The following OR9G4 variants were observed in gnomAD, a reference collection of about 807,000 sequenced individuals.
The protein encoded by OR9G4 is olfactory receptor 9G4.
In OR9G4, 19 loss-of-function variants were observed where a neutral mutation model predicts 16.7. That is an observed-to-expected ratio of 1.14 (90% CI 0.79 to 1.67). The LOEUF is 1.67. Ranked by LOEUF, OR9G4 falls within the 40% of genes most tolerant of loss-of-function variation. OR9G4 has a pLI of 0.00. For missense variants in OR9G4, 428 were observed against 370.4 expected, an observed-to-expected ratio of 1.16 and a Z score of -1.28; for synonymous variants, 182 against 146.2, an observed-to-expected ratio of 1.24 and a Z score of -1.76.
At chr11:56,744,069 C>A (rs925996083) in intron 1 of OR9G4, 6 of 411,886 alleles carry the variant, frequency 1.5e-5, no homozygotes, top group Non-Finnish European at 2.1e-5. Flanking sequence ...TAACTAATTA[C>A]TTCTTCTTTT....
At chr11:56,743,957 C>T (rs1444351920) in intron 1 of OR9G4, 169 bp from the exon 2 acceptor site, 18 of 684,064 alleles carry the variant, frequency 2.6e-5, no homozygotes, top group Middle Eastern at 8.3e-4. Flanking sequence ...GAATTGGAGT[C>T]AAAAATAATT....
rs774345689 is a variant in OR9G4 at position 56,743,398 on chromosome 11, A to T, written c.369T>A (p.His123Gln). 3.7e-6 allele frequency: 6 copies of T among 1,614,048 alleles called. No homozygotes were observed. The highest frequency in any genetic ancestry group is 4.2e-6 in the Non-Finnish European group (5 of 1,180,032). The change falls in exon 2 of 2, where the codon CAT (histidine) becomes CAA (glutamine). Residue 123 changes from histidine to glutamine, a missense_variant. By Grantham distance (24) the His-to-Gln change is conservative. Transcript: ENST00000641668. ...AAAGCAATGGGTTACAAATTGCTGCATGGCGGTCATATGCCATGGCTGCCA... is the reference window on the plus strand; with the variant it reads ...AAAGCAATGGGTTACAAATTGCTGCTTGGCGGTCATATGCCATGGCTGCCA... ...YLLAAMAYDRHAAICNPLLYS... is the reference protein window; with the variant it reads ...YLLAAMAYDRQAAICNPLLYS...
At chr11:56,745,383 T>G (rs916876029) in intron 1 of OR9G4, among the ~76,000 whole-genome samples, 1 of 152,186 alleles carries the variant, frequency 6.6e-6, no homozygotes, top group African/African-American at 2.4e-5. Flanking sequence ...TTTAGGAAAG[T>G]AATACCTCAT....
At chr11:56,747,940 C>G (rs1858446688) in intron 1 of OR9G4, among the ~76,000 whole-genome samples, 1 of 152,206 alleles carries the variant, frequency 6.6e-6, no homozygotes, top group African/African-American at 2.4e-5. Flanking sequence ...TCCCAAAGTG[C>G]TGGGATTACA....
rs532221640 is a variant in OR9G4, at chr11:56,745,648, T to C, written c.-22-1860A>G. On this transcript the variant is annotated intron_variant, in intron 1 of 1. Coordinates refer to ENST00000641668, the MANE Select transcript of OR9G4 (RefSeq NM_001005284.2). The stretch of plus-strand genomic sequence containing the variant: ...TCAGCCAGGCGTGGTGGTACACGGC[T>C]GTAATCCCAGCTACTTGGGAGGCTG... Among the ~76,000 whole-genome samples, 243 of 152,098 alleles carry C rather than the reference T, an allele frequency of 1.6e-3. 1 individual carries two copies. Among genetic ancestry groups the C allele is most frequent in the Non-Finnish European group, 2.2e-3 (147 of 68,000 alleles).
intron 1 of OR9G4, among the ~76,000 whole-genome samples, chr11:56,746,341 T>C (rs1276882252): frequency 1.3e-5 from 2 of 150,214 alleles, no homozygotes; most frequent in African/African-American, 4.9e-5. Flanking sequence ...AAGTTGTGCA[T>C]ATTTTCTAAA....
Position 56,741,744 on chromosome 11 carries a change from T to G in OR9G4, c.*1084A>C, listed in dbSNP as rs1468764441. 6.6e-6 allele frequency: 1 copy of G among 152,168 alleles called. No homozygotes were observed. The highest frequency in any genetic ancestry group is 2.4e-5 in the African/African-American group (1 of 41,394). The allele number at this position is 152,168 out of a possible 1,614,324, so 9.4% of individuals were successfully genotyped here. ...ATGTTATAACCTTTCCTCAACAAAGTTGCTAACCTCTGAGCTGCAAGCTTG... is the reference window on the plus strand; with the variant it reads ...ATGTTATAACCTTTCCTCAACAAAGGTGCTAACCTCTGAGCTGCAAGCTTG... On this transcript the variant is annotated 3_prime_UTR_variant, in exon 2 of 2. Coordinates refer to ENST00000641668, the MANE Select transcript of OR9G4 (RefSeq NM_001005284.2).
intron 1 of OR9G4, among the ~76,000 whole-genome samples, chr11:56,744,171 A>G (rs1858367372): frequency 6.6e-6 from 1 of 152,064 alleles, no homozygotes; most frequent in Admixed American, 6.5e-5. Context: ...AGGTTCAAGC[A>G]ATTCTCCTGC....
At chr11:56,745,803 T>C (rs1185688132) in intron 1 of OR9G4, among the ~76,000 whole-genome samples, 6 of 151,778 alleles carry the variant, frequency 4.0e-5, no homozygotes, top group Admixed American at 2.0e-4. Flanking sequence ...GGAAAAACTT[T>C]CATGAAACAA....
chr11:56,744,965 C>T (rs1458980433), intron 1 of OR9G4, among the ~76,000 whole-genome samples: 2 of 152,156 alleles, frequency 1.3e-5, no homozygotes, highest in Non-Finnish European at 2.9e-5. Flanking sequence ...GAGTTCAAAC[C>T]CAGACCTTCT....
At chr11:56,745,680 G>C (rs1398479480) in intron 1 of OR9G4, among the ~76,000 whole-genome samples, 1 of 151,688 alleles carries the variant, frequency 6.6e-6, no homozygotes, top group Admixed American at 6.6e-5. Flanking sequence ...GCTGAGGCAG[G>C]AGAATCGCTT....
Position 56,743,776 on chromosome 11 carries a change from G to A in OR9G4, c.-10C>T, listed in dbSNP as rs755659353. The A allele has an allele frequency of 6.8e-6, 11 of 1,613,462 alleles. No homozygotes were observed. Among genetic ancestry groups the A allele is most frequent in the African/African-American group, 1.3e-5 (1 of 75,032 alleles). ...AATTTCCCACTTCCATGTCCACGGA[G>A]GTGAAAGCCTGACTATCATGAGAAG... is the stretch of plus-strand genomic sequence containing the variant. On this transcript the variant is annotated 5_prime_UTR_variant, in exon 2 of 2. Transcript: ENST00000641668.
chr11:56,742,557 A>G lies in OR9G4; in HGVS notation c.*271T>C. On this transcript the variant is annotated 3_prime_UTR_variant, in exon 2 of 2. Coordinates refer to ENST00000641668, the MANE Select transcript of OR9G4 (RefSeq NM_001005284.2). ...TTGTTCCCCAAGATCTCCCAAAGGG[A>G]GCAAACACAATGAAATCTATGAAAG... The G allele has an allele frequency of 2.6e-6, 1 of 388,714 alleles. No homozygotes were observed. Among genetic ancestry groups the G allele is most frequent in the Non-Finnish European group, 4.6e-6 (1 of 217,488 alleles). 24.1% of individuals were successfully genotyped at this position (388,714 alleles called of 1,614,324 possible).
chr11:56,743,852 T>A (rs1224513509), intron 1 of OR9G4, 64 bp from the exon 2 acceptor site: 1 of 1,529,158 alleles, frequency 6.5e-7, no homozygotes, highest in Admixed American at 2.0e-5. Flanking sequence ...GACAAGGGTA[T>A]CAATTAAATC....
At chr11:56,745,815 A>G (rs1858399924) in intron 1 of OR9G4, among the ~76,000 whole-genome samples, 1 of 151,992 alleles carries the variant, frequency 6.6e-6, no homozygotes, top group African/African-American at 2.4e-5. Context: ...ATGAAACAAT[A>G]GATAGCCTCA....
At position 56,743,031 on chromosome 11, in the gene OR9G4, T is replaced by C; in HGVS notation, c.736A>G (p.Ile246Val). The C allele has an allele frequency of 6.2e-7, 1 of 1,613,936 alleles. No individual in the cohort carries two copies. Among genetic ancestry groups the C allele is most frequent in the Non-Finnish European group, 8.5e-7 (1 of 1,179,938 alleles). The change falls in exon 2 of 2, where the codon ATC becomes GTC. Residue 246 changes from isoleucine (I) to valine (V), a missense_variant. Transcript: ENST00000641668. ...GATCCATAGAAGAGCATGACTGAGA[T>C]GAGGTGGGAAGCACAGGTGGAGAAT... Reference protein sequence around the residue: ...KAFSTCASHLISVMLFYGSLL... With the variant: ...KAFSTCASHLVSVMLFYGSLL...
At chr11:56,747,189 A>G (rs1409863463) in intron 1 of OR9G4, among the ~76,000 whole-genome samples, 1 of 126,232 alleles carries the variant, frequency 7.9e-6, no homozygotes, top group Admixed American at 7.3e-5. Flanking sequence ...AAGATTTATT[A>G]TTATTATTAT....
intron 1 of OR9G4, among the ~76,000 whole-genome samples, chr11:56,746,309 A>G (rs968324613): frequency 6.6e-6 from 1 of 151,482 alleles, no homozygotes; most frequent in Non-Finnish European, 1.5e-5. Context: ...AAAAAAAAAA[A>G]AAAAAAAAAT....
At chr11:56,746,661 T>A (rs61902482) in intron 1 of OR9G4, among the ~76,000 whole-genome samples, 9,345 of 152,260 alleles carry the variant, frequency 0.061, 427 homozygotes, top group Non-Finnish European at 0.088. Context: ...GAATTCCTAA[T>A]CTGCAGTTCC....
Sources: allele counts gnomAD v4.1 joint callset (sites outside exome capture counted in the v4.1 genomes callset), GRCh38; gene constraint gnomAD v4.1.1; transcripts MANE v1.5; gene names NCBI Gene and HGNC (gene_info 2026-07-23, HGNC 2026-07-21).